The following RANBP17 variants were observed in gnomAD, a reference collection of about 807,000 sequenced individuals.
RANBP17 encodes RAN binding protein 17.
Under a neutral mutation model 141.2 loss-of-function variants are expected in RANBP17, and 158 were observed. That is an observed-to-expected ratio of 1.12 (90% CI 0.98 to 1.28). The LOEUF (loss-of-function observed/expected upper bound fraction) is 1.28. Ranked by LOEUF, RANBP17 falls within the 50% of genes most tolerant of loss-of-function variation. The pLI, the probability that RANBP17 is intolerant of heterozygous loss-of-function variation, is 0.00. For synonymous variants in RANBP17, 430 were observed against 450.0 expected, an observed-to-expected ratio of 0.96 and a Z score of 0.56; for missense variants, 1,438 against 1,290.7, an observed-to-expected ratio of 1.11 and a Z score of -1.75.
At chr5:171,205,432 A>T in intron 19 of RANBP17, 92 bp from the exon 20 acceptor site, 1 of 1,023,222 alleles carries the variant, frequency 9.8e-7, no homozygotes. Flanking sequence ...AATGAATCAA[A>T]ATCAGATATG....
At chr5:171,025,298 G>A (rs193184503) in intron 14 of RANBP17, among the ~76,000 whole-genome samples, 2 of 152,258 alleles carry the variant, frequency 1.3e-5, no homozygotes, top group African/African-American at 4.8e-5. Flanking sequence ...AAAGATCAAA[G>A]TCTTTTCCAT....
At chr5:170,995,479 C>G (rs1454437636) in intron 14 of RANBP17, among the ~76,000 whole-genome samples, 1 of 152,068 alleles carries the variant, frequency 6.6e-6, no homozygotes, top group Non-Finnish European at 1.5e-5. Context: ...AAAAATATTC[C>G]TATCTGTTGA....
chr5:171,093,918 C>T (rs1246928811), intron 14 of RANBP17, among the ~76,000 whole-genome samples: 1 of 152,170 alleles, frequency 6.6e-6, no homozygotes, highest in Non-Finnish European at 1.5e-5. Flanking sequence ...GAACACAGTG[C>T]CTGGCTCCTG....
intron 1 of RANBP17, 88 bp downstream of exon 1, chr5:170,862,139 G>A: frequency 7.6e-7 from 1 of 1,320,234 alleles, no homozygotes; most frequent in Non-Finnish European, 9.7e-7. Context: ...GAGGACAGCG[G>A]CGGAGGCCGC....
intron 21 of RANBP17, among the ~76,000 whole-genome samples, chr5:171,217,483 T>C (rs1472327563): frequency 6.6e-6 from 1 of 152,204 alleles, no homozygotes; most frequent in African/African-American, 2.4e-5. Flanking sequence ...TCAGAAGGAA[T>C]GGTACCAGCT....
chr5:171,064,090 G>A lies in RANBP17; in HGVS notation c.1710+95713G>A, dbSNP rs1784123828. 3.3e-5 allele frequency among the ~76,000 whole-genome samples: 5 copies of A among 152,348 alleles called. 1 individual carries two copies. In the South Asian group the frequency reaches 1.0e-3, roughly 32 times the overall value. On this transcript the variant is annotated intron_variant, in intron 14 of 27. Coordinates refer to ENST00000523189, the MANE Select transcript of RANBP17 (RefSeq NM_022897.5). ...CACCCCTTTCTTTGACTAGGAAAGG[G>A]AACTCCCTGACCCCTTGCACTTCTG...
chr5:171,131,257 A>T (rs1219998019), intron 14 of RANBP17, among the ~76,000 whole-genome samples: 1 of 152,216 alleles, frequency 6.6e-6, no homozygotes, highest in African/African-American at 2.4e-5. Flanking sequence ...AAAAATATTA[A>T]GATTATGTCA....
At chr5:171,279,442 G>T (rs1425808057) in intron 25 of RANBP17, among the ~76,000 whole-genome samples, 2 of 152,140 alleles carry the variant, frequency 1.3e-5, no homozygotes, top group Non-Finnish European at 2.9e-5. Flanking sequence ...GGGTGGAAGG[G>T]CAAGAAAGAG....
At chr5:171,080,856 T>C (rs1032483326) in intron 14 of RANBP17, among the ~76,000 whole-genome samples, 4 of 152,198 alleles carry the variant, frequency 2.6e-5, no homozygotes, top group Admixed American at 2.6e-4. Flanking sequence ...ATGTAGAGCC[T>C]TTTGGGGCAT....
chr5:171,094,264 T>C (rs963717899), intron 14 of RANBP17, among the ~76,000 whole-genome samples: 2 of 152,114 alleles, frequency 1.3e-5, no homozygotes, highest in African/African-American at 4.8e-5. Flanking sequence ...TTTAATTGTG[T>C]GTGTTGCATG....
intron 14 of RANBP17, among the ~76,000 whole-genome samples, chr5:171,026,403 C>T (rs1235734403): frequency 6.6e-6 from 1 of 152,180 alleles, no homozygotes; most frequent in Admixed American, 6.5e-5. Context: ...TGCTCTTATA[C>T]TCTACCACTG....
chr5:171,280,098 TAATA>T (rs1170671963), intron 25 of RANBP17, among the ~76,000 whole-genome samples: 2 of 152,200 alleles, frequency 1.3e-5, no homozygotes, highest in Admixed American at 6.5e-5. Flanking sequence ...AGAGTGGGCT[TAATA>T]AATCACATGA....
At chr5:170,975,667 A>T (rs1188124758) in intron 14 of RANBP17, among the ~76,000 whole-genome samples, 3 of 152,190 alleles carry the variant, frequency 2.0e-5, no homozygotes, top group African/African-American at 7.2e-5. Context: ...AAGGGCACTA[A>T]TCCCCCTTAT....
chr5:171,169,994 C>T, intron 14 of RANBP17, 136 bp from the exon 15 acceptor site: 1 of 418,988 alleles, frequency 2.4e-6, no homozygotes, highest in Admixed American at 4.3e-5. Context: ...TTAAAAAATT[C>T]CTTTGCTCTC....
chr5:170,996,920 A>T, intron 14 of RANBP17, among the ~76,000 whole-genome samples: 1 of 152,178 alleles, frequency 6.6e-6, no homozygotes, highest in African/African-American at 2.4e-5. Context: ...GTGTCTAGAA[A>T]GGTGATTAAA....
intron 14 of RANBP17, among the ~76,000 whole-genome samples, chr5:171,149,271 C>T (rs2127828893): frequency 6.6e-6 from 1 of 152,280 alleles, no homozygotes; most frequent in East Asian, 1.9e-4. Context: ...CTGAGCTATG[C>T]TCATTTTTCA....
chr5:171,259,839 G>T (rs956845663), intron 24 of RANBP17, among the ~76,000 whole-genome samples: 7 of 151,438 alleles, frequency 4.6e-5, no homozygotes, highest in Non-Finnish European at 7.4e-5. Context: ...AAATTAACTG[G>T]GTGTGATGGC....
At chr5:171,195,869 C>A (rs1404855596) in intron 18 of RANBP17, among the ~76,000 whole-genome samples, 2 of 152,152 alleles carry the variant, frequency 1.3e-5, no homozygotes, top group East Asian at 3.9e-4. Context: ...TAATGACTTG[C>A]AACAGTACTT....
intron 14 of RANBP17, among the ~76,000 whole-genome samples, chr5:171,153,963 G>T (rs1312099506): frequency 6.6e-6 from 1 of 151,842 alleles, no homozygotes; most frequent in East Asian, 1.9e-4. Context: ...GGAGGCGGAG[G>T]TTGCAGTGAG....
Sources: allele counts gnomAD v4.1 joint callset (sites outside exome capture counted in the v4.1 genomes callset), GRCh38; gene constraint gnomAD v4.1.1; transcripts MANE v1.5; gene names NCBI Gene and HGNC (gene_info 2026-07-23, HGNC 2026-07-21).